The following GBE1 variants were observed in gnomAD, a reference collection of about 807,000 sequenced individuals.
GBE1 encodes the protein 1,4-alpha-glucan branching enzyme 1.
A neutral mutation model predicts 88.8 loss-of-function variants in GBE1; 70 were observed. The observed-to-expected ratio is 0.79, with a 90% CI of 0.65 to 0.96. GBE1 has a LOEUF of 0.96. Ranked by LOEUF, GBE1 falls within the 40% of genes least tolerant of loss-of-function variation. The pLI is 0.00. For missense variants in GBE1, 872 were observed against 871.0 expected, an observed-to-expected ratio of 1.00 and a Z score of -0.01; for synonymous variants, 284 against 300.1, an observed-to-expected ratio of 0.95 and a Z score of 0.56.
chr3:81,759,337 CTGT>C (rs962308604), intron 1 of GBE1, among the ~76,000 whole-genome samples: 10 of 152,196 alleles, frequency 6.6e-5, no homozygotes, highest in Non-Finnish European at 7.3e-5. Flanking sequence ...TAATTATATA[CTGT>C]TGTTTGTACC....
At chr3:81,611,958 A>T (rs1576169431) in intron 7 of GBE1, among the ~76,000 whole-genome samples, 2 of 152,162 alleles carry the variant, frequency 1.3e-5, no homozygotes, top group East Asian at 3.8e-4. Context: ...AAAAACCTCA[A>T]GAGAAATCAT....
intron 7 of GBE1, among the ~76,000 whole-genome samples, chr3:81,608,798 G>A (rs1051473556): frequency 3.3e-5 from 5 of 152,112 alleles, no homozygotes; most frequent in African/African-American, 4.8e-5. Context: ...TACACTTTTG[G>A]TAGGGTAGAG....
At chr3:81,568,115 T>C (rs1263274985) in intron 12 of GBE1, among the ~76,000 whole-genome samples, 1 of 152,162 alleles carries the variant, frequency 6.6e-6, no homozygotes, top group Non-Finnish European at 1.5e-5. Flanking sequence ...ATATTTCAAG[T>C]ATTTAAAGAT....
At chr3:81,630,108 G>T (rs916906161) in intron 7 of GBE1, among the ~76,000 whole-genome samples, 1 of 152,026 alleles carries the variant, frequency 6.6e-6, no homozygotes, top group Non-Finnish European at 1.5e-5. Context: ...TCTTAATCCA[G>T]TCTATCATTG....
chr3:81,588,722 CCT>C (rs1703833586), intron 9 of GBE1, among the ~76,000 whole-genome samples: 1 of 152,092 alleles, frequency 6.6e-6, no homozygotes, highest in Non-Finnish European at 1.5e-5. Flanking sequence ...CTTCCTTACC[CCT>C]CTCTAGTTCT....
chr3:81,605,577 T>C (rs935752066), intron 7 of GBE1, among the ~76,000 whole-genome samples: 5 of 152,206 alleles, frequency 3.3e-5, no homozygotes, highest in African/African-American at 1.2e-4. Context: ...TACAAATATA[T>C]ATTGAATGCT....
At chr3:81,581,894 G>A (rs1462683001) in intron 10 of GBE1, among the ~76,000 whole-genome samples, 1 of 152,008 alleles carries the variant, frequency 6.6e-6, no homozygotes, top group African/African-American at 2.4e-5. Flanking sequence ...TGTGGTGTGA[G>A]CTTAAGTTAG....
chr3:81,589,810 T>C (rs1703852928), intron 9 of GBE1, among the ~76,000 whole-genome samples: 1 of 152,068 alleles, frequency 6.6e-6, no homozygotes, highest in Non-Finnish European at 1.5e-5. Context: ...AATTTTTTGA[T>C]GTTTGACATA....
chr3:81,717,811 A>C (rs1047272858), intron 1 of GBE1, among the ~76,000 whole-genome samples: 3 of 152,282 alleles, frequency 2.0e-5, no homozygotes, highest in African/African-American at 7.2e-5. Context: ...ACCCCAACAC[A>C]AAGGTTATTT....
chr3:81,563,097 A>G (rs958832168), intron 12 of GBE1, among the ~76,000 whole-genome samples: 9 of 151,980 alleles, frequency 5.9e-5, no homozygotes, highest in Non-Finnish European at 1.2e-4. Context: ...TACATCTCAC[A>G]TTTTTCAGCC....
At position 81,611,647 on chromosome 3, in the gene GBE1, T is replaced by A. The variant is rs569296046; in HGVS notation, c.993-17624A>T. 2.0e-4 allele frequency among the ~76,000 whole-genome samples: 30 copies of A among 152,254 alleles called. 1 individual carries two copies. The South Asian group carries it at 5.6e-3, about 28-fold the overall frequency. On this transcript the variant is annotated intron_variant, in intron 7 of 15. Coordinates refer to ENST00000429644, the MANE Select transcript of GBE1 (RefSeq NM_000158.4). Reference sequence around the variant, plus strand: ...GAAGACCTTCAAGGGAAAGGTGAATTAGGGATGCTAAAGAAAAGACTAAAG... The same window carrying A: ...GAAGACCTTCAAGGGAAAGGTGAATAAGGGATGCTAAAGAAAAGACTAAAG...
chr3:81,647,917 C>T (rs1044677002), intron 5 of GBE1, among the ~76,000 whole-genome samples: 2 of 152,070 alleles, frequency 1.3e-5, no homozygotes, highest in African/African-American at 4.8e-5. Context: ...GTAAGAGAAT[C>T]CTTGTGCTGC....
intron 1 of GBE1, among the ~76,000 whole-genome samples, chr3:81,737,375 ATTTTT>A (rs1559703798): frequency 5.2e-3 from 183 of 34,922 alleles, no homozygotes; most frequent in African/African-American, 0.022. Flanking sequence ...ATTTATATAT[ATTTTT>A]ATATATATTT....
At chr3:81,519,216 C>T (rs1378110415) in intron 14 of GBE1, among the ~76,000 whole-genome samples, 1 of 151,562 alleles carries the variant, frequency 6.6e-6, no homozygotes, top group Middle Eastern at 3.2e-3. Context: ...ACTCTGTGTA[C>T]AGGTTGCAAA....
At chr3:81,632,151 AT>A (rs1300980159) in intron 7 of GBE1, among the ~76,000 whole-genome samples, 15 of 152,212 alleles carry the variant, frequency 9.9e-5, no homozygotes, top group South Asian at 6.2e-4. Context: ...TTCTTTTTTT[AT>A]GGCTGCATAG....
chr3:81,738,214 C>T (rs1171540507), intron 1 of GBE1, among the ~76,000 whole-genome samples: 3 of 151,550 alleles, frequency 2.0e-5, no homozygotes, highest in Non-Finnish European at 2.9e-5. Flanking sequence ...AATAAACATA[C>T]GTGTGCATGT....
At chr3:81,632,668 A>G (rs1704531830) in intron 7 of GBE1, among the ~76,000 whole-genome samples, 1 of 152,188 alleles carries the variant, frequency 6.6e-6, no homozygotes, top group Admixed American at 6.5e-5. Flanking sequence ...ATCTAGAACT[A>G]GAAATATCAT....
At chr3:81,553,242 G>A (rs993267318) in intron 12 of GBE1, among the ~76,000 whole-genome samples, 6 of 151,960 alleles carry the variant, frequency 3.9e-5, no homozygotes, top group South Asian at 2.1e-4. Flanking sequence ...ATGATTCCAC[G>A]TTGTAGCTGT....
intron 3 of GBE1, among the ~76,000 whole-genome samples, chr3:81,651,081 A>G (rs1409189820): frequency 2.0e-5 from 3 of 152,214 alleles, no homozygotes; most frequent in Non-Finnish European, 4.4e-5. Flanking sequence ...TGTCCTCATC[A>G]TTGAGGAGAA....
Sources: allele counts gnomAD v4.1 joint callset (sites outside exome capture counted in the v4.1 genomes callset), GRCh38; gene constraint gnomAD v4.1.1; transcripts MANE v1.5; gene names NCBI Gene and HGNC (gene_info 2026-07-23, HGNC 2026-07-21).